The following DSCAML1 variants were observed in gnomAD, a reference collection of about 807,000 sequenced individuals.
DSCAML1 encodes the protein cell adhesion molecule DSCAML1.
Under a neutral mutation model 200.5 loss-of-function variants are expected in DSCAML1, and 38 were observed. The observed-to-expected ratio is 0.19, with a 90% CI of 0.15 to 0.25. DSCAML1 has a LOEUF of 0.25. DSCAML1 is among the 10% of genes least tolerant of loss of function. DSCAML1 has a pLI of 1.00. For synonymous variants in DSCAML1, 1,215 were observed against 1,165.0 expected (o/e 1.04, Z -0.87); for missense variants, 2,223 against 2,858.8 (o/e 0.78, Z 5.07).
chr11:117,449,306 A>G (rs1418219611), intron 20 of DSCAML1, among the ~76,000 whole-genome samples: 1 of 151,928 alleles, frequency 6.6e-6, no homozygotes, highest in Non-Finnish European at 1.5e-5. Context: ...AAATTCGCGG[A>G]GGTCTACAGT....
At chr11:117,704,807 C>T (rs531734169) in intron 3 of DSCAML1, among the ~76,000 whole-genome samples, 1 of 152,258 alleles carries the variant, frequency 6.6e-6, no homozygotes, top group African/African-American at 2.4e-5. Flanking sequence ...CCTCAAAAGC[C>T]ATTTATTTTG....
Position 117,615,131 on chromosome 11 carries a change from G to A in DSCAML1, c.512-82609C>T, listed in dbSNP as rs1238739000. On this transcript the variant is annotated intron_variant, in intron 3 of 32. Transcript: ENST00000651296. ...TTGAAGAGCTGTTGACCCTGGGAGG[G>A]CCAGTTGAGTCCCTGGTGGCTCAGT... Among the ~76,000 whole-genome samples the A allele has an allele frequency of 3.9e-5, 6 of 152,214 alleles. No homozygotes were observed. In the South Asian group the frequency reaches 1.2e-3, roughly 32 times the overall value.
chr11:117,430,324 A>AG (rs1265749097), intron 32 of DSCAML1, among the ~76,000 whole-genome samples: 1 of 152,206 alleles, frequency 6.6e-6, no homozygotes, highest in African/African-American at 2.4e-5. Context: ...CTGACCCTGA[A>AG]GGGATCTGTT....
intron 11 of DSCAML1, among the ~76,000 whole-genome samples, chr11:117,495,982 T>G (rs1442474577): frequency 6.6e-6 from 1 of 152,224 alleles, no homozygotes; most frequent in Non-Finnish European, 1.5e-5. Context: ...GAGCGCCTCA[T>G]TGCCTGCCTG....
At position 117,503,973 on chromosome 11, in the gene DSCAML1, A is replaced by T. The variant is rs201753806; in HGVS notation, c.2231T>A (p.Ile744Asn). ...QYHPVPLTGR[I>N]QILPNSSLLI... ...CAGCGAGCTGTTGGGCAGGATCTGGATGCGGCCAGTGAGGGGCACAGGGTG... is the reference window on the plus strand; with the variant it reads ...CAGCGAGCTGTTGGGCAGGATCTGGTTGCGGCCAGTGAGGGGCACAGGGTG... Residue 744 changes from isoleucine (I) to asparagine (N), a missense_variant, in exon 11 of 33, where the codon ATC (isoleucine) becomes AAC (asparagine). Physicochemically the swap from Ile to Asn is moderately radical, Grantham distance 149. Around this residue, in one of 7 missense-constraint regions of DSCAML1, gnomAD observed 212 missense variants for 368.0 expected, o/e 0.58. Coordinates refer to ENST00000651296, the MANE Select transcript of DSCAML1 (RefSeq NM_020693.4). The surrounding 1 kb of genome is among the most constrained non-coding windows in gnomAD (Gnocchi z 5.2). 6.2e-6 allele frequency: 10 copies of T among 1,614,052 alleles called. No homozygotes were observed. The Admixed American group carries it at 1.3e-4, about 22-fold the overall frequency.
chr11:117,806,328 G>GA (rs1765140564), intron 1 of DSCAML1, among the ~76,000 whole-genome samples: 2 of 152,286 alleles, frequency 1.3e-5, no homozygotes, highest in South Asian at 4.2e-4. Flanking sequence ...AGGGGCTCAG[G>GA]AAAGCCTGAC....
chr11:117,611,766 C>T (rs2051698517), intron 3 of DSCAML1: 1 of 141,252 alleles, frequency 7.1e-6, no homozygotes, highest in Non-Finnish European at 1.6e-5. Context: ...CTCTCTAGGT[C>T]TTTAAGTCAT....
intron 3 of DSCAML1, among the ~76,000 whole-genome samples, chr11:117,721,701 AT>A (rs34951932): frequency 0.011 from 1,639 of 147,824 alleles, 17 homozygotes; most frequent in East Asian, 0.04. Flanking sequence ...ATATATAAAA[AT>A]GTTTATATAA....
intron 32 of DSCAML1, among the ~76,000 whole-genome samples, chr11:117,429,664 G>A (rs61905260): frequency 0.065 from 9,856 of 152,220 alleles, 316 homozygotes; most frequent in South Asian, 0.12. Flanking sequence ...ATGAGCCGCC[G>A]CACCCAACCT....
chr11:117,642,496 C>T lies in DSCAML1; in HGVS notation c.512-109974G>A, dbSNP rs528719049. Among the ~76,000 whole-genome samples the T allele has an allele frequency of 6.6e-6, 1 of 152,340 alleles. No homozygotes were observed. The highest frequency in any genetic ancestry group is 1.5e-5 in the Non-Finnish European group (1 of 68,038). ...CCAACATGCTCAGTAGGACACTAGA[C>T]CAGCAAAGCCACAAAGGTGGCTGCT... is the stretch of plus-strand genomic sequence containing the variant. On this transcript the variant is annotated intron_variant, in intron 3 of 32. Transcript: ENST00000651296. The surrounding 1 kb of genome is among the most constrained non-coding windows in gnomAD (Gnocchi z 4.1).
At chr11:117,490,157 C>G (rs2049157110) in intron 11 of DSCAML1, among the ~76,000 whole-genome samples, 1 of 152,060 alleles carries the variant, frequency 6.6e-6, no homozygotes, top group African/African-American at 2.4e-5. Context: ...ACCCCCTCCC[C>G]TTGCTCCAGG....
intron 14 of DSCAML1, 78 bp from the exon 15 acceptor site, chr11:117,472,114 C>T (rs2048698614): frequency 6.5e-7 from 1 of 1,549,498 alleles, no homozygotes; most frequent in Admixed American, 1.7e-5. Flanking sequence ...ACCAGTACAA[C>T]CCAATATTAA....
chr11:117,656,546 T>TCTAA (rs2052740871), intron 3 of DSCAML1, among the ~76,000 whole-genome samples: 1 of 151,026 alleles, frequency 6.6e-6, no homozygotes, highest in Non-Finnish European at 1.5e-5. Context: ...TATCTATCTA[T>TCTAA]CCATCCATCC....
chr11:117,526,669 C>T (rs982336750), intron 4 of DSCAML1, among the ~76,000 whole-genome samples: 9 of 152,024 alleles, frequency 5.9e-5, no homozygotes, highest in African/African-American at 9.7e-5. Flanking sequence ...AGGTGCCCGC[C>T]ACCATGCCCA....
chr11:117,643,624 G>A (rs1177989267), intron 3 of DSCAML1, among the ~76,000 whole-genome samples: 1 of 152,156 alleles, frequency 6.6e-6, no homozygotes, highest in East Asian at 1.9e-4. Flanking sequence ...GCCGTCTTGG[G>A]TGAGTGGGGC....
chr11:117,794,580 C>G (rs902845015), intron 1 of DSCAML1, among the ~76,000 whole-genome samples: 3 of 152,128 alleles, frequency 2.0e-5, no homozygotes, highest in African/African-American at 7.2e-5. Context: ...CCGCTCCTCA[C>G]AGATGGACGT....
intron 3 of DSCAML1, among the ~76,000 whole-genome samples, chr11:117,543,901 G>T (rs1334431523): frequency 1.3e-5 from 2 of 152,058 alleles, no homozygotes; most frequent in Non-Finnish European, 2.9e-5. Flanking sequence ...CATGGGGTTG[G>T]GAGCTGCTTT....
intron 3 of DSCAML1, among the ~76,000 whole-genome samples, chr11:117,538,053 T>A (rs531762656): frequency 1.3e-5 from 2 of 152,298 alleles, no homozygotes; most frequent in East Asian, 3.9e-4. Flanking sequence ...ATTTGGTGAG[T>A]GTTTTCAACC....
At chr11:117,757,947 G>A (rs557239056) in intron 3 of DSCAML1, among the ~76,000 whole-genome samples, 24 of 152,112 alleles carry the variant, frequency 1.6e-4, no homozygotes, top group Middle Eastern at 6.8e-3. Context: ...CCGAGATGGC[G>A]CCATTGCATC....
Sources: gnomAD v4.1 joint callset for allele counts (sites outside exome capture counted in the v4.1 genomes callset) on GRCh38, gnomAD v4.1.1 for gene constraint, gnomAD v4.1.1 regional missense constraint, Gnocchi (gnomAD v3.1) non-coding constraint, MANE v1.5 for transcripts, NCBI Gene and HGNC (gene_info 2026-07-23, HGNC 2026-07-21) for gene names.